Variants in SNAP91 observed in about 807,000 individuals in gnomAD.
SNAP91 encodes synaptosome associated protein 91.
SNAP91 carries 27 observed loss-of-function variants against 100.3 expected under a neutral mutation model. The ratio of observed to expected loss-of-function variants is 0.27; its 90% CI spans 0.20 to 0.37. SNAP91 has a LOEUF of 0.37. Ranked by LOEUF, SNAP91 falls within the 10% of genes least tolerant of loss-of-function variation. The pLI is 1.00. For synonymous variants in SNAP91, 404 were observed against 398.6 expected (o/e 1.01, Z -0.16); for missense variants, 986 against 1,123.7 (o/e 0.88, Z 1.75).
At chr6:83,678,858 G>A in intron 2 of SNAP91, 1 of 1,259,416 alleles carries the variant, frequency 7.9e-7, no homozygotes, top group Non-Finnish European at 1.0e-6. Flanking sequence ...TCTCTCGGAA[G>A]TACCAAGGAA....
At chr6:83,687,520 A>C (rs2099075895) in intron 2 of SNAP91, among the ~76,000 whole-genome samples, 1 of 152,150 alleles carries the variant, frequency 6.6e-6, no homozygotes. Context: ...GTGTAAGCTC[A>C]TCTCGGGCAG....
chr6:83,625,065 C>T (rs985309922), intron 8 of SNAP91, among the ~76,000 whole-genome samples: 4 of 151,834 alleles, frequency 2.6e-5, no homozygotes, highest in African/African-American at 9.7e-5. Flanking sequence ...CTTTTGGAGG[C>T]CCCAGTGTCT....
intron 2 of SNAP91, among the ~76,000 whole-genome samples, chr6:83,671,962 G>T (rs2098793530): frequency 6.6e-6 from 1 of 151,832 alleles, no homozygotes; most frequent in South Asian, 2.1e-4. Flanking sequence ...AATTACCCAT[G>T]TGTGCCCTTC....
intron 7 of SNAP91, among the ~76,000 whole-genome samples, chr6:83,644,502 C>T (rs2097841900): frequency 1.3e-5 from 2 of 152,058 alleles, no homozygotes; most frequent in Admixed American, 6.5e-5. Flanking sequence ...GTAAAGGTAA[C>T]ATATGTTAAC....
chr6:83,609,451 C>T (rs949601088), intron 12 of SNAP91, among the ~76,000 whole-genome samples: 9 of 152,052 alleles, frequency 5.9e-5, no homozygotes, highest in African/African-American at 2.2e-4. Context: ...GTTCAAGGTC[C>T]CTGAGGGGAT....
rs185957339 is a variant in SNAP91 at position 83,581,076 on chromosome 6, A to G, written c.2150-477T>C. Reference sequence around the variant, plus strand: ...TTGCTCTTATTCAAGAAAATAGTGAAAAGACTTCTAATGTGCTTTATGGTG... The same window carrying G: ...TTGCTCTTATTCAAGAAAATAGTGAGAAGACTTCTAATGTGCTTTATGGTG... On this transcript the variant is annotated intron_variant, in intron 23 of 29. Coordinates refer to ENST00000369694, the MANE Select transcript of SNAP91 (RefSeq NM_001242792.2). Among the ~76,000 whole-genome samples the G allele has an allele frequency of 5.9e-5, 9 of 152,356 alleles. No homozygotes were observed. In the East Asian group the frequency reaches 1.7e-3, roughly 29 times the overall value.
chr6:83,616,882 A>T, intron 10 of SNAP91, 87 bp downstream of exon 10: 1 of 896,408 alleles, frequency 1.1e-6, no homozygotes, highest in South Asian at 1.7e-5. Flanking sequence ...AACTAGAGCA[A>T]TATAAGTTGT....
chr6:83,568,262 G>A (rs896955634), intron 26 of SNAP91, among the ~76,000 whole-genome samples: 15 of 151,960 alleles, frequency 9.9e-5, no homozygotes, highest in South Asian at 6.2e-4. Flanking sequence ...ACCAAACACC[G>A]CATGTTCTCA....
At chr6:83,665,623 C>A (rs779481253) in intron 2 of SNAP91, 42 bp from the exon 3 acceptor site, 2 of 1,568,966 alleles carry the variant, frequency 1.3e-6, no homozygotes, top group Non-Finnish European at 8.7e-7. Context: ...TTAACAATTA[C>A]ATGCAAAAAT....
chr6:83,708,912 G>A lies in SNAP91; in HGVS notation c.-98C>T, dbSNP rs893111346. ...CCGGGCCGCCGAGGGAAGCCGCGCC[G>A]GTGGATGTGTGCGACCGCGCGTAGC... On this transcript the variant is annotated 5_prime_UTR_variant, in exon 1 of 30. Coordinates refer to ENST00000369694, the MANE Select transcript of SNAP91 (RefSeq NM_001242792.2). 20 of 151,850 alleles carry A rather than the reference G, an allele frequency of 1.3e-4. No homozygotes were observed. Among genetic ancestry groups the A allele is most frequent in the Non-Finnish European group, 2.9e-4 (20 of 67,990 alleles). The allele number at this position is 151,850 out of a possible 1,614,324, so 9.4% of individuals were successfully genotyped here.
chr6:83,586,268 A>G (rs2092604692), intron 22 of SNAP91, among the ~76,000 whole-genome samples: 1 of 152,208 alleles, frequency 6.6e-6, no homozygotes, highest in African/African-American at 2.4e-5. Flanking sequence ...CACACTGGGC[A>G]TGTTTGTATT....
chr6:83,577,051 A>G (rs1406040118), intron 24 of SNAP91, among the ~76,000 whole-genome samples: 1 of 152,184 alleles, frequency 6.6e-6, no homozygotes, highest in African/African-American at 2.4e-5. Context: ...GGAAAAATGA[A>G]AAGGAAGGGC....
chr6:83,567,981 C>A (rs1210795375), intron 26 of SNAP91, among the ~76,000 whole-genome samples: 1 of 151,708 alleles, frequency 6.6e-6, no homozygotes, highest in Admixed American at 6.6e-5. Context: ...TTGACCCAGC[C>A]ATCCCATTAC....
At chr6:83,659,802 G>A (rs2098501769) in intron 5 of SNAP91, among the ~76,000 whole-genome samples, 1 of 151,912 alleles carries the variant, frequency 6.6e-6, no homozygotes, top group Non-Finnish European at 1.5e-5. Flanking sequence ...TGTCTTGGAA[G>A]TTTATAAAAC....
At chr6:83,637,512 A>G (rs968981220) in intron 8 of SNAP91, among the ~76,000 whole-genome samples, 4 of 152,126 alleles carry the variant, frequency 2.6e-5, no homozygotes, top group Non-Finnish European at 5.9e-5. Flanking sequence ...TGTGGGGCCC[A>G]CTCAGCTTGT....
At chr6:83,671,761 A>G (rs1395996219) in intron 2 of SNAP91, among the ~76,000 whole-genome samples, 1 of 152,134 alleles carries the variant, frequency 6.6e-6, no homozygotes, top group Non-Finnish European at 1.5e-5. Context: ...GAAAATAGCA[A>G]CAAATATAAA....
At chr6:83,597,224 T>A (rs2094571031) in intron 16 of SNAP91, among the ~76,000 whole-genome samples, 1 of 152,162 alleles carries the variant, frequency 6.6e-6, no homozygotes, top group Non-Finnish European at 1.5e-5. Context: ...GAGACATGAA[T>A]GAGTGTCCAG....
chr6:83,580,249 G>A (rs968968483), intron 24 of SNAP91, among the ~76,000 whole-genome samples: 1 of 152,070 alleles, frequency 6.6e-6, no homozygotes, highest in African/African-American at 2.4e-5. Flanking sequence ...TTGCTCGTGA[G>A]CCAATGGCAT....
chr6:83,650,859 G>A (rs778338749), intron 7 of SNAP91, among the ~76,000 whole-genome samples: 1 of 152,174 alleles, frequency 6.6e-6, no homozygotes, highest in South Asian at 2.1e-4. Flanking sequence ...TAAATGCTTG[G>A]TAGAATTCAC....
Sources: allele counts gnomAD v4.1 joint callset (sites outside exome capture counted in the v4.1 genomes callset), GRCh38; gene constraint gnomAD v4.1.1; transcripts MANE v1.5; gene names NCBI Gene and HGNC (gene_info 2026-07-23, HGNC 2026-07-21).